Variants in SRRM2 observed in about 807,000 individuals in gnomAD.
The protein encoded by SRRM2 is serine/arginine repetitive matrix 2.
In SRRM2, 30 loss-of-function variants were observed where a neutral mutation model predicts 213.8. The observed-to-expected ratio is 0.14, with a 90% CI of 0.10 to 0.19. SRRM2 has a LOEUF of 0.19. Ranked by LOEUF, SRRM2 falls within the 10% of genes least tolerant of loss-of-function variation. The pLI, the probability that SRRM2 is intolerant of heterozygous loss-of-function variation, is 1.00. For missense variants in SRRM2, 4,904 were observed against 3,647.0 expected, an observed-to-expected ratio of 1.34 and a Z score of -8.88; for synonymous variants, 2,025 against 1,377.7, an observed-to-expected ratio of 1.47 and a Z score of -10.40.
chr16:2,763,469 CCTG>C lies in SRRM2; in HGVS notation c.2942_2944del (p.Pro981_Glu982delinsGln), dbSNP rs1159048841. 2 of 1,614,034 alleles carry C rather than the reference CCTG, an allele frequency of 1.2e-6. No individual in the cohort carries two copies. The highest frequency in any genetic ancestry group is 2.2e-5 in the East Asian group (1 of 44,900). On this transcript the variant is annotated inframe_deletion, in exon 11 of 15. Coordinates refer to ENST00000301740, the MANE Select transcript of SRRM2 (RefSeq NM_016333.4). ...CTCCTCACCAGATACCAAAGTGAAA[CCTG>C]AAACACCGCCAAGACAAAGTCACTC...
chr16:2,757,940 T>G lies in SRRM2; in HGVS notation c.510T>G (p.Pro170=), dbSNP rs775000760. 6.2e-7 allele frequency: 1 copy of G among 1,613,012 alleles called. No homozygotes were observed. The highest frequency in any genetic ancestry group is 8.5e-7 in the Non-Finnish European group (1 of 1,179,550). ...AKQPAPEPPK[P]YSLVRESSSS... is the part of the protein sequence containing the mutation. ...AACCAGCTCCTGAGCCTCCCAAACC[T>G]TACAGGTATACAAGGCCAAGAAACC... The change falls in exon 4 of 15, where the codon CCT becomes CCG. Residue 170 remains proline, a synonymous_variant. Transcript: ENST00000301740.
At chr16:2,758,716 G>A (rs2150772930) in intron 5 of SRRM2, 169 bp downstream of exon 5, 1 of 692,998 alleles carries the variant, frequency 1.4e-6, no homozygotes, top group Non-Finnish European at 2.4e-6. Context: ...TTCTCAGTGG[G>A]GAAGTGTTGA....
At chr16:2,768,465 C>T in intron 11 of SRRM2, 2 of 673,386 alleles carry the variant, frequency 3.0e-6, no homozygotes, top group East Asian at 2.7e-5. Context: ...TCCGAAGGTT[C>T]ATTCTCTAGA....
At chr16:2,758,851 TG>T in intron 5 of SRRM2, 133 bp from the exon 6 acceptor site, 1 of 917,682 alleles carries the variant, frequency 1.1e-6, no homozygotes, top group Non-Finnish European at 1.7e-6. Context: ...AAATAAGTCC[TG>T]GGCTTAGGTC....
chr16:2,760,548 T>C (rs201626443), intron 10 of SRRM2, 49 bp downstream of exon 10: 2 of 1,599,080 alleles, frequency 1.3e-6, no homozygotes, highest in South Asian at 1.1e-5. Flanking sequence ...TGTATAGATT[T>C]AGGATAGACA....
intron 12 of SRRM2, chr16:2,769,734 G>C (rs536489185): frequency 2.1e-6 from 1 of 470,644 alleles, no homozygotes; most frequent in African/African-American, 2.0e-5. Context: ...CAAATCCTTC[G>C]GGACGCCCTG....
chr16:2,764,162 G>C lies in SRRM2; in HGVS notation c.3634G>C (p.Glu1212Gln). Reference protein sequence around the residue: ...FKDTLRTPPRERSGAGSSPET... With the variant: ...FKDTLRTPPRQRSGAGSSPET... ...AGACACACTTAGAACCCCGCCAAGGGAAAGAAGTGGTGCTGGGTCATCTCC... is the reference window on the plus strand; with the variant it reads ...AGACACACTTAGAACCCCGCCAAGGCAAAGAAGTGGTGCTGGGTCATCTCC... Residue 1212 changes from glutamate (E) to glutamine (Q), a missense_variant, in exon 11 of 15, where the codon GAA becomes CAA. By Grantham distance (29) the Glu-to-Gln change is conservative (BLOSUM62 2). Transcript: ENST00000301740. 1 of 1,614,180 alleles carries C rather than the reference G, an allele frequency of 6.2e-7. No homozygotes were observed. The highest frequency in any genetic ancestry group is 8.5e-7 in the Non-Finnish European group (1 of 1,180,040).
Position 2,763,075 on chromosome 16 carries a change from A to G in SRRM2, c.2547A>G (p.Pro849=), listed in dbSNP as rs1324572624. 1 of 1,614,144 alleles carries G rather than the reference A, an allele frequency of 6.2e-7. No homozygotes were observed. The highest frequency in any genetic ancestry group is 1.1e-5 in the South Asian group (1 of 91,062). ...SPHPKVKSGT[P]PRQGSITSPQ... is the part of the protein sequence containing the mutation. ...ATCCTAAAGTGAAATCTGGAACACC[A>G]CCGAGGCAAGGGTCCATAACAAGTC... The change falls in exon 11 of 15, where the codon CCA becomes CCG. Residue 849 remains proline (P), a synonymous_variant. Coordinates refer to ENST00000301740, the MANE Select transcript of SRRM2 (RefSeq NM_016333.4).
chr16:2,762,029 A>T lies in SRRM2; in HGVS notation c.1501A>T (p.Thr501Ser). 1 of 1,614,180 alleles carries T rather than the reference A, an allele frequency of 6.2e-7. No homozygotes were observed. The highest frequency in any genetic ancestry group is 8.5e-7 in the Non-Finnish European group (1 of 1,180,030). ...AGGGCGATCTCGGTCTCGAACCCCTACCAAGAGAGGTCATTCTCGATCCCG... is the reference window on the plus strand; with the variant it reads ...AGGGCGATCTCGGTCTCGAACCCCTTCCAAGAGAGGTCATTCTCGATCCCG... ...KRGRSRSRTPTKRGHSRSRSP... is the reference protein window; with the variant it reads ...KRGRSRSRTPSKRGHSRSRSP... The change falls in exon 11 of 15, where the codon ACC (threonine) becomes TCC (serine). Residue 501 changes from threonine (T) to serine (S), a missense_variant. Transcript: ENST00000301740.
Position 2,764,746 on chromosome 16 carries a change from G to A in SRRM2, c.4218G>A (p.Val1406=). 1 of 1,614,164 alleles carries A rather than the reference G, an allele frequency of 6.2e-7. No individual in the cohort carries two copies. The highest frequency in any genetic ancestry group is 2.2e-5 in the East Asian group (1 of 44,894). ...CAAATCAGAGCATCTCTTCACCTGT[G>A]CTTGATGCTGTACCCAGAACACCCT... The part of the protein sequence containing the change: ...MSSNQSISSP[V]LDAVPRTPSR... The change falls in exon 11 of 15, where the codon GTG becomes GTA. Residue 1406 remains valine (V), a synonymous_variant. Coordinates refer to ENST00000301740, the MANE Select transcript of SRRM2 (RefSeq NM_016333.4).
At chr16:2,755,594 T>G (rs1244705193) in intron 1 of SRRM2, among the ~76,000 whole-genome samples, 2 of 152,228 alleles carry the variant, frequency 1.3e-5, no homozygotes, top group Non-Finnish European at 1.5e-5. Context: ...GAATAAAATA[T>G]CAGGATAGTT....
chr16:2,758,634 C>T (rs1391862647), intron 5 of SRRM2, 87 bp downstream of exon 5: 2 of 1,321,906 alleles, frequency 1.5e-6, no homozygotes, highest in African/African-American at 2.9e-5. Flanking sequence ...TTCTGGCTTC[C>T]ACAAAGCAGG....
At chr16:2,769,692 A>C in intron 12 of SRRM2, 1 of 493,348 alleles carries the variant, frequency 2.0e-6, no homozygotes, top group East Asian at 6.0e-5. Context: ...GACCTTTCTA[A>C]AACGCACATC....
Position 2,763,673 on chromosome 16 carries a change from T to C in SRRM2, c.3145T>C (p.Tyr1049His). Residue 1049 changes from tyrosine (Y) to histidine (H), a missense_variant, in exon 11 of 15, where the codon TAT (tyrosine) becomes CAT (histidine). Coordinates refer to ENST00000301740, the MANE Select transcript of SRRM2 (RefSeq NM_016333.4). The stretch of plus-strand genomic sequence containing the variant: ...ATCTAGCACACCACCAGGCGAGAGC[T>C]ATTTTGGTGTCTCATCTCTGCAACT... ...VKSSTPPGES[Y>H]FGVSSLQLKG... 1 of 1,614,218 alleles carries C rather than the reference T, an allele frequency of 6.2e-7. No homozygotes were observed. The highest frequency in any genetic ancestry group is 8.5e-7 in the Non-Finnish European group (1 of 1,180,048).
chr16:2,770,251 T>G, intron 12 of SRRM2, 101 bp from the exon 13 acceptor site: 2 of 1,467,858 alleles, frequency 1.4e-6, no homozygotes, highest in Non-Finnish European at 1.8e-6. Context: ...TGGCCCTGTG[T>G]GGTGTGAGGT....
At position 2,762,630 on chromosome 16, in the gene SRRM2, G is replaced by T. The variant is rs1038587183; in HGVS notation, c.2102G>T (p.Arg701Ile). ...RSRSRTPRRG[R>I]SRSRSLVRRG... is the part of the protein sequence containing the mutation. Reference sequence around the variant, plus strand: ...CGGTCTAGGACACCAAGACGAGGAAGATCCCGCAGTAGAAGCTTAGTTAGA... The same window carrying T: ...CGGTCTAGGACACCAAGACGAGGAATATCCCGCAGTAGAAGCTTAGTTAGA... Residue 701 changes from arginine to isoleucine, a missense_variant, in exon 11 of 15, where the codon AGA becomes ATA. Arg to Ile is a moderately conservative substitution (Grantham distance 97, BLOSUM62 -3). Transcript: ENST00000301740. The T allele has an allele frequency of 6.2e-7, 1 of 1,614,176 alleles. No individual in the cohort carries two copies.
At chr16:2,753,472 C>G (rs2068018379) in intron 1 of SRRM2, 1 of 152,204 alleles carries the variant, frequency 6.6e-6, no homozygotes, top group Non-Finnish European at 1.5e-5. Flanking sequence ...GGAGAAACCC[C>G]AAATCTTAAA....
At position 2,752,695 on chromosome 16, in the gene SRRM2, C is replaced by G. The variant is rs772090069; in HGVS notation, c.-183C>G. 9.3e-6 allele frequency: 3 copies of G among 323,962 alleles called. No individual in the cohort carries two copies. Among genetic ancestry groups the G allele is most frequent in the South Asian group, 2.1e-5 (1 of 48,204 alleles). 20.1% of individuals were successfully genotyped at this position (323,962 alleles called of 1,614,324 possible). A position where few individuals can be genotyped will look rare whatever the true frequency, so the allele number is the denominator to read the frequency against. Reference sequence around the variant, plus strand: ...CGAGTGGCGCAGTTGGAGCCCGTTGCGGCCCCTGAGGAAGCGAGGAGGCGT... The same window carrying G: ...CGAGTGGCGCAGTTGGAGCCCGTTGGGGCCCCTGAGGAAGCGAGGAGGCGT... On this transcript the variant is annotated 5_prime_UTR_variant, in exon 1 of 15. Coordinates refer to ENST00000301740, the MANE Select transcript of SRRM2 (RefSeq NM_016333.4).
rs1419717938 is a variant in SRRM2 at position 2,762,296 on chromosome 16, G to T, written c.1768G>T (p.Ala590Ser). 1.2e-6 allele frequency: 2 copies of T among 1,614,004 alleles called. No homozygotes were observed. Among genetic ancestry groups the T allele is most frequent in the Non-Finnish European group, 1.7e-6 (2 of 1,180,012 alleles). ...RRGRSRSRTP[A>S]RRRSRSRTPT... ...GGGCAGGTCCCGCTCTAGAACACCT[G>T]CCAGGCGGAGATCACGATCCAGAAC... The change falls in exon 11 of 15, where the codon GCC (alanine) becomes TCC (serine). Residue 590 changes from alanine (A) to serine (S), a missense_variant. Coordinates refer to ENST00000301740, the MANE Select transcript of SRRM2 (RefSeq NM_016333.4).
Sources: allele counts gnomAD v4.1 joint callset (sites outside exome capture counted in the v4.1 genomes callset), GRCh38; gene constraint gnomAD v4.1.1; transcripts MANE v1.5; gene names NCBI Gene and HGNC (gene_info 2026-07-23, HGNC 2026-07-21).